The following MIA2 variants were observed in gnomAD, a reference collection of about 807,000 sequenced individuals.
MIA2 encodes melanoma inhibitory activity protein 2.
MIA2 carries 127 observed loss-of-function variants against 167.8 expected under a neutral mutation model. The observed-to-expected ratio is 0.76, with a 90% CI of 0.66 to 0.88. The LOEUF is 0.88. Among genes scored for constraint, MIA2 ranks in the 40% least tolerant of loss-of-function variants. MIA2 has a pLI of 0.00. For synonymous variants in MIA2, 552 were observed against 541.9 expected, an observed-to-expected ratio of 1.02 and a Z score of -0.26; for missense variants, 1,690 against 1,624.7, an observed-to-expected ratio of 1.04 and a Z score of -0.69.
At chr14:39,358,560 T>G (rs2074593429) in intron 23 of MIA2, among the ~76,000 whole-genome samples, 1 of 152,248 alleles carries the variant, frequency 6.6e-6, no homozygotes, top group African/African-American at 2.4e-5. Context: ...CCCGTTAAAG[T>G]CATTCTCTGT....
chr14:39,356,259 A>C (rs1216161552), downstream of MIA2, among the ~76,000 whole-genome samples: 1 of 152,064 alleles, frequency 6.6e-6, no homozygotes, highest in Non-Finnish European at 1.5e-5. Flanking sequence ...CAGAGATTCA[A>C]CTTCTTCCTG....
At chr14:39,271,679 C>T (rs141699975) in intron 6 of MIA2, among the ~76,000 whole-genome samples, 1 of 152,046 alleles carries the variant, frequency 6.6e-6, no homozygotes, top group Non-Finnish European at 1.5e-5. Flanking sequence ...CTTGTAATCC[C>T]AGCACTTTGG....
At position 39,275,758 on chromosome 14, in the gene MIA2, C is replaced by T. The variant is rs146384647; in HGVS notation, c.1888-1176C>T. Reference sequence around the variant, plus strand: ...AATAGCAAAAATAATTTTTTTTTATCATTAATTGCTTGTAATGATATTAGA... The same window carrying T: ...AATAGCAAAAATAATTTTTTTTTATTATTAATTGCTTGTAATGATATTAGA... On this transcript the variant is annotated intron_variant, in intron 6 of 28. Transcript: ENST00000640607. Among the ~76,000 whole-genome samples, 716 of 151,934 alleles carry T rather than the reference C, an allele frequency of 4.7e-3. 1 individual carries two copies. Among genetic ancestry groups the T allele is most frequent in the Non-Finnish European group, 7.7e-3 (520 of 67,952 alleles).
intron 25 of MIA2, among the ~76,000 whole-genome samples, chr14:39,342,837 G>T (rs1308187357): frequency 2.0e-5 from 3 of 152,074 alleles, no homozygotes; most frequent in African/African-American, 7.2e-5. Flanking sequence ...TAAACTTTCA[G>T]TTCTAATAAT....
chr14:39,358,286 G>A (rs375855243), intron 23 of MIA2, among the ~76,000 whole-genome samples: 1 of 151,798 alleles, frequency 6.6e-6, no homozygotes, highest in African/African-American at 2.4e-5. Flanking sequence ...TTTTCTTCTC[G>A]CTTCATTTCA....
chr14:39,247,633 TC>T lies in MIA2; in HGVS notation c.1061del (p.Pro354HisfsTer6). The T allele has an allele frequency of 6.2e-7, 1 of 1,612,758 alleles. No individual in the cohort carries two copies. Among genetic ancestry groups the T allele is most frequent in the Non-Finnish European group, 8.5e-7 (1 of 1,179,736 alleles). ...TATCATCTGATAAAGAAGCCACAGT[TC>T]CATGTACAGAAATATTAACAGAAAA... The part of the protein sequence containing the change: ...SISSDKEATV[P>X]CTEILTEKKD... On this transcript the variant is annotated frameshift_variant, in exon 4 of 29. Transcript: ENST00000640607. LOFTEE classifies it high-confidence loss of function.
intron 3 of MIA2, among the ~76,000 whole-genome samples, chr14:39,244,944 T>G (rs2054223448): frequency 6.6e-6 from 1 of 152,014 alleles, no homozygotes; most frequent in Non-Finnish European, 1.5e-5. Context: ...GCCTGGCTAA[T>G]TTTTGTATTT....
At chr14:39,277,742 ATGTGTG>A (rs1447936316) in intron 7 of MIA2, among the ~76,000 whole-genome samples, 32 of 2,604 alleles carry the variant, frequency 0.012, 2 homozygotes, top group African/African-American at 0.027. Flanking sequence ...ATATATATAT[ATGTGTG>A]TATATATATA....
Position 39,279,551 on chromosome 14 carries a change from G to A in MIA2, c.2130+14G>A. ...GTTCAAAAAGAGGTAAGATATTTTT[G>A]AAAATAATATTCATGTTAGAGTCAG... On this transcript the variant is annotated intron_variant, in intron 9 of 28. Coordinates refer to ENST00000640607, the MANE Select transcript of MIA2 (RefSeq NM_001329214.4). 1 of 1,523,732 alleles carries A rather than the reference G, an allele frequency of 6.6e-7. No individual in the cohort carries two copies. Among genetic ancestry groups the A allele is most frequent in the South Asian group, 1.2e-5 (1 of 85,034 alleles). The allele number at this position is 1,523,732 out of a possible 1,614,324, so 94.4% of individuals were successfully genotyped here. A position where few individuals can be genotyped will look rare whatever the true frequency, so the allele number is the denominator to read the frequency against.
chr14:39,348,823 A>G lies in MIA2; in HGVS notation c.3918A>G (p.Pro1306=). The change falls in exon 28 of 29, where the codon CCA becomes CCG. Residue 1306 remains proline, a synonymous_variant. Coordinates refer to ENST00000640607, the MANE Select transcript of MIA2 (RefSeq NM_001329214.4). ...GCTTTGTTCCTCCACCTCTTGCTCC[A>G]ATCAGAGGTCCATTGTTTCCAGTGG... ...GPGFVPPPLA[P]IRGPLFPVDA... is the part of the protein sequence containing the mutation. 6.2e-7 allele frequency: 1 copy of G among 1,613,918 alleles called. No homozygotes were observed. The highest frequency in any genetic ancestry group is 2.2e-5 in the East Asian group (1 of 44,866).
At chr14:39,357,542 G>T (rs544755668) in intron 23 of MIA2, among the ~76,000 whole-genome samples, 1 of 152,118 alleles carries the variant, frequency 6.6e-6, no homozygotes, top group Non-Finnish European at 1.5e-5. Flanking sequence ...GGAGCATTTA[G>T]CCCATTTACA....
chr14:39,373,133 G>A lies in MIA2; in HGVS notation c.2249-13752G>A, dbSNP rs183540991. On this transcript the variant is annotated intron_variant, in intron 23 of 23. Transcript: ENST00000341502. ...AAATTAGCACATGTACCCTAAATAC[G>A]TACATTTATTGTGTTTCAATGAAGA... Among the ~76,000 whole-genome samples, 150 of 152,160 alleles carry A rather than the reference G, an allele frequency of 9.9e-4. 3 individuals carry two copies. In the South Asian group the frequency reaches 0.01, roughly 11 times the overall value.
At chr14:39,322,038 A>G (rs575084594) in intron 24 of MIA2, among the ~76,000 whole-genome samples, 1 of 152,268 alleles carries the variant, frequency 6.6e-6, no homozygotes, top group Non-Finnish European at 1.5e-5. Context: ...CAGCCTCCCA[A>G]AGTGCTGGGA....
At chr14:39,310,839 G>A (rs184441896) in intron 18 of MIA2, among the ~76,000 whole-genome samples, 55 of 151,968 alleles carry the variant, frequency 3.6e-4, no homozygotes, top group African/African-American at 1.2e-3. Context: ...TGGCCCTTTG[G>A]GACTGCTCAG....
At chr14:39,277,757 T>C (rs1396991423) in intron 7 of MIA2, among the ~76,000 whole-genome samples, 5 of 29,566 alleles carry the variant, frequency 1.7e-4, no homozygotes, top group Non-Finnish European at 1.2e-4. Context: ...TGTATATATA[T>C]ATATATATAT....
At chr14:39,321,507 G>A (rs1055822380) in intron 24 of MIA2, among the ~76,000 whole-genome samples, 6 of 151,208 alleles carry the variant, frequency 4.0e-5, no homozygotes, top group East Asian at 2.0e-4. Flanking sequence ...TAGTAGAGAC[G>A]GGGTTTCACC....
At chr14:39,352,134 G>T (rs2074403919), downstream of MIA2, among the ~76,000 whole-genome samples, 2 of 146,696 alleles carry the variant, frequency 1.4e-5, no homozygotes, top group African/African-American at 2.5e-5. Context: ...CTTCTTTTTT[G>T]TCTCCTCAAA....
intron 9 of MIA2, among the ~76,000 whole-genome samples, chr14:39,290,113 A>G (rs2060523709): frequency 6.6e-6 from 1 of 152,200 alleles, no homozygotes; most frequent in African/African-American, 2.4e-5. Context: ...TTAGCCAAGC[A>G]CAGGGTTCAT....
At chr14:39,316,098 C>T (rs1170590789) in intron 21 of MIA2, among the ~76,000 whole-genome samples, 1 of 152,194 alleles carries the variant, frequency 6.6e-6, no homozygotes, top group African/African-American at 2.4e-5. Context: ...ATTAAGTGAT[C>T]TTAGAAGCCC....
Sources: gnomAD v4.1 joint callset for allele counts (sites outside exome capture counted in the v4.1 genomes callset) on GRCh38, gnomAD v4.1.1 for gene constraint, MANE v1.5 for transcripts, NCBI Gene and HGNC (gene_info 2026-07-23, HGNC 2026-07-21) for gene names.